The following FBXO25 variants were observed in gnomAD, a reference collection of about 807,000 sequenced individuals.
The protein encoded by FBXO25 is F-box only protein 25.
FBXO25 carries 45 observed loss-of-function variants against 51.9 expected under a neutral mutation model. The observed-to-expected ratio is 0.87, with a 90% CI of 0.68 to 1.11. FBXO25 has a LOEUF of 1.11. Among genes scored for constraint, FBXO25 ranks in the 50% most tolerant of loss-of-function variants. The probability of loss-of-function intolerance (pLI) is 0.00; values close to 1 mark genes in which losing one functional copy is unlikely to be tolerated. For missense variants in FBXO25, 507 were observed against 428.5 expected (o/e 1.18, Z -1.62); for synonymous variants, 199 against 151.0 (o/e 1.32, Z -2.33).
At chr8:409,195 T>C (rs1458974961) in intron 1 of FBXO25, among the ~76,000 whole-genome samples, 2 of 152,212 alleles carry the variant, frequency 1.3e-5, no homozygotes, top group Non-Finnish European at 2.9e-5. Context: ...TGGTGTTGTT[T>C]TTAATCTGCA....
chr8:433,006 A>G (rs1232838717), intron 4 of FBXO25, 71 bp downstream of exon 4: 21 of 1,450,310 alleles, frequency 1.4e-5, no homozygotes, highest in East Asian at 7.9e-5. Context: ...CATTAAATAA[A>G]TGTATTAATA....
chr8:463,001 G>A lies in FBXO25; in HGVS notation c.844-6G>A. 6.2e-7 allele frequency: 1 copy of A among 1,602,944 alleles called. No individual in the cohort carries two copies. Among genetic ancestry groups the A allele is most frequent in the Non-Finnish European group, 8.5e-7 (1 of 1,176,452 alleles). ...GCGGATTCTGAATGGAGTTTTGTTT[G>A]TTTAGTTTTGTAGACATTTGATCCT... On this transcript the variant is annotated splice_region_variant and splice_polypyrimidine_tract_variant and intron_variant, in intron 8 of 9. Coordinates refer to ENST00000350302, the MANE Select transcript of FBXO25 (RefSeq NM_183420.2).
chr8:412,412 C>G (rs117504595), intron 1 of FBXO25, among the ~76,000 whole-genome samples: 1,749 of 152,330 alleles, frequency 0.011, 26 homozygotes, highest in Non-Finnish European at 0.013. Context: ...TATACTCTCA[C>G]CTTTTAAAGG....
intron 2 of FBXO25, among the ~76,000 whole-genome samples, chr8:425,141 C>T (rs1232330442): frequency 1.3e-5 from 2 of 151,870 alleles, no homozygotes; most frequent in African/African-American, 4.8e-5. Context: ...CCGCCCCCCA[C>T]ATGTCCCATT....
At chr8:462,893 T>C (rs1010075571) in intron 8 of FBXO25, 114 bp from the exon 9 acceptor site, 17 of 1,230,456 alleles carry the variant, frequency 1.4e-5, no homozygotes, top group African/African-American at 9.2e-5. Context: ...CCTAAAGCTA[T>C]TGAAGTTTAA....
chr8:449,149 C>T lies in FBXO25; in HGVS notation c.382-841C>T, dbSNP rs563198597. ...CTCCAAGTTGTACGTAAGAAGCACA[C>T]CTAAAACAGAGATTTACAAAAGTTG... On this transcript the variant is annotated intron_variant, in intron 5 of 9. Coordinates refer to ENST00000350302, the MANE Select transcript of FBXO25 (RefSeq NM_183420.2). Among the ~76,000 whole-genome samples, 7 of 152,202 alleles carry T rather than the reference C, an allele frequency of 4.6e-5. No individual in the cohort carries two copies. The South Asian group carries it at 1.5e-3, about 32-fold the overall frequency.
At chr8:412,051 G>C (rs1445020646) in intron 1 of FBXO25, among the ~76,000 whole-genome samples, 1 of 152,222 alleles carries the variant, frequency 6.6e-6, no homozygotes, top group Admixed American at 6.5e-5. Context: ...CAGAAATCAA[G>C]TCAGTGGGAA....
chr8:420,160 A>G (rs2117494779), intron 2 of FBXO25, among the ~76,000 whole-genome samples: 1 of 152,222 alleles, frequency 6.6e-6, no homozygotes, highest in East Asian at 1.9e-4. Flanking sequence ...ATATAACAGT[A>G]TGTTCTGGGG....
At chr8:458,631 GGAGA>G in intron 8 of FBXO25, 80 bp downstream of exon 8, 1 of 1,350,238 alleles carries the variant, frequency 7.4e-7, no homozygotes, top group South Asian at 1.4e-5. Context: ...AAACTCACCT[GGAGA>G]GAAAGAATGG....
At chr8:443,508 A>T (rs1375520624) in intron 5 of FBXO25, among the ~76,000 whole-genome samples, 1 of 151,664 alleles carries the variant, frequency 6.6e-6, no homozygotes, top group Admixed American at 6.6e-5. Flanking sequence ...TGAACATTTG[A>T]CAGAGTCAAA....
At chr8:458,298 G>T in intron 7 of FBXO25, 71 bp from the exon 8 acceptor site, 2 of 1,512,626 alleles carry the variant, frequency 1.3e-6, no homozygotes, top group South Asian at 2.5e-5. Flanking sequence ...ATTCCAGCTT[G>T]ACTCTTCAGT....
chr8:423,739 T>C (rs1263278716), intron 2 of FBXO25, among the ~76,000 whole-genome samples: 2 of 152,242 alleles, frequency 1.3e-5, no homozygotes, highest in African/African-American at 4.8e-5. Flanking sequence ...TTGTTAATAG[T>C]GCAGCGATGA....
Position 476,436 on chromosome 8 carries a change from G to A in FBXO25, c.*7632G>A, listed in dbSNP as rs896444440. The A allele has an allele frequency of 6.6e-6, 1 of 152,192 alleles. No homozygotes were observed. Among genetic ancestry groups the A allele is most frequent in the Non-Finnish European group, 1.5e-5 (1 of 68,022 alleles). 9.4% of individuals were successfully genotyped at this position (152,192 alleles called of 1,614,324 possible). ...TCAGTTTTTTGGAAGAGTTTGAGGA[G>A]AATTGATTTAATTCTTCAGATGTTT... is the stretch of plus-strand genomic sequence containing the variant. On this transcript the variant is annotated 3_prime_UTR_variant, in exon 10 of 10. Transcript: ENST00000350302.
intron 2 of FBXO25, among the ~76,000 whole-genome samples, chr8:426,154 T>C (rs1797463258): frequency 6.6e-6 from 1 of 152,208 alleles, no homozygotes; most frequent in Non-Finnish European, 1.5e-5. Context: ...AAGACCACCC[T>C]GCAGCTCACC....
intron 7 of FBXO25, among the ~76,000 whole-genome samples, chr8:457,616 A>G (rs1411585601): frequency 1.3e-5 from 2 of 149,892 alleles, no homozygotes; most frequent in South Asian, 2.1e-4. Context: ...TCTACACAGC[A>G]TGATGACTGC....
At chr8:408,896 C>G (rs1358588283) in intron 1 of FBXO25, among the ~76,000 whole-genome samples, 2 of 152,202 alleles carry the variant, frequency 1.3e-5, no homozygotes, top group African/African-American at 2.4e-5. Context: ...AGTGCTTGCT[C>G]TTAAAAGTTT....
chr8:462,773 A>T (rs978434185), intron 8 of FBXO25, among the ~76,000 whole-genome samples: 2 of 152,150 alleles, frequency 1.3e-5, no homozygotes, highest in Admixed American at 6.5e-5. Flanking sequence ...AGGGTGAGGG[A>T]TGAAACACTA....
At chr8:424,151 C>A (rs1361594003) in intron 2 of FBXO25, among the ~76,000 whole-genome samples, 2 of 145,848 alleles carry the variant, frequency 1.4e-5, no homozygotes, top group African/African-American at 5.1e-5. Flanking sequence ...CAGAGTCTCA[C>A]TCTGACACCC....
chr8:410,090 C>A (rs145571235), intron 1 of FBXO25, among the ~76,000 whole-genome samples: 1 of 152,166 alleles, frequency 6.6e-6, no homozygotes, highest in African/African-American at 2.4e-5. Flanking sequence ...GGGCGAAGAT[C>A]GAGTCCTAGT....
Sources: gnomAD v4.1 joint callset for allele counts (sites outside exome capture counted in the v4.1 genomes callset) on GRCh38, gnomAD v4.1.1 for gene constraint, MANE v1.5 for transcripts, NCBI Gene and HGNC (gene_info 2026-07-23, HGNC 2026-07-21) for gene names.